The following STK32C variants were observed in gnomAD, a reference collection of about 807,000 sequenced individuals.
The protein encoded by STK32C is serine/threonine kinase 32C.
STK32C carries 31 observed loss-of-function variants against 56.5 expected under a neutral mutation model. The ratio of observed to expected loss-of-function variants is 0.55; its 90% confidence interval spans 0.41 to 0.74. The LOEUF (loss-of-function observed/expected upper bound fraction) is 0.74. Among genes scored for constraint, STK32C ranks in the 30% least tolerant of loss-of-function variants. The pLI, the probability that STK32C is intolerant of heterozygous loss-of-function variation, is 0.00. For missense variants in STK32C, 544 were observed against 676.9 expected (o/e 0.80, Z 2.18); for synonymous variants, 309 against 289.4 (o/e 1.07, Z -0.69).
At chr10:132,266,248 A>G (rs893579098) in intron 1 of STK32C, among the ~76,000 whole-genome samples, 3 of 152,174 alleles carry the variant, frequency 2.0e-5, no homozygotes, top group African/African-American at 7.2e-5. Flanking sequence ...GCGTCGTGCG[A>G]TTCTGTTTGT....
chr10:132,251,506 G>A (rs926681932), intron 1 of STK32C, among the ~76,000 whole-genome samples: 1 of 152,056 alleles, frequency 6.6e-6, no homozygotes, highest in Admixed American at 6.5e-5. Context: ...CCCTGGGAAG[G>A]GGGGGCATAG....
At chr10:132,330,141 A>G in intron 1 of STK32C, 1 of 351,258 alleles carries the variant, frequency 2.8e-6, no homozygotes, top group Non-Finnish European at 5.5e-6. Flanking sequence ...ACCAATGGAT[A>G]CAATCTGGCT....
Position 132,225,213 on chromosome 10 carries a change from G to A in STK32C, c.876+20C>T, listed in dbSNP as rs2062844349. The A allele has an allele frequency of 6.3e-7, 1 of 1,577,940 alleles. No individual in the cohort carries two copies. Among genetic ancestry groups the A allele is most frequent in the African/African-American group, 1.4e-5 (1 of 74,052 alleles). ...GCAGGGGCCTGGCAGCCAAGCCCAG[G>A]GGCTGCAGGGGGTCCATACCCATCC... is the stretch of plus-strand genomic sequence containing the variant. On this transcript the variant is annotated intron_variant, in intron 7 of 11. Transcript: ENST00000298630.
At chr10:132,282,413 C>A (rs1483406123) in intron 1 of STK32C, among the ~76,000 whole-genome samples, 1 of 152,098 alleles carries the variant, frequency 6.6e-6, no homozygotes. Flanking sequence ...CAGGCGTCAG[C>A]TACCCACCTG....
chr10:132,267,787 A>ACGCC (rs1423811414), intron 1 of STK32C, among the ~76,000 whole-genome samples: 2 of 62,054 alleles, frequency 3.2e-5, no homozygotes, highest in Non-Finnish European at 3.0e-5. Flanking sequence ...GTTCAGCTCT[A>ACGCC]TGCCTGTGTG....
At chr10:132,228,903 T>C (rs2814194) in intron 2 of STK32C, among the ~76,000 whole-genome samples, 152,233 of 152,352 alleles carry the variant, frequency 1, 76,057 homozygotes, top group Middle Eastern at 1. Context: ...GCCACCACAG[T>C]GGGACCCCCT....
At chr10:132,297,330 G>A (rs907652278) in intron 1 of STK32C, among the ~76,000 whole-genome samples, 1 of 152,180 alleles carries the variant, frequency 6.6e-6, no homozygotes, top group Non-Finnish European at 1.5e-5. Context: ...CCCGCTGCCA[G>A]CAGACCCCGA....
At chr10:132,211,544 C>T (rs905613016) in intron 10 of STK32C, among the ~76,000 whole-genome samples, 17 of 152,224 alleles carry the variant, frequency 1.1e-4, no homozygotes, top group African/African-American at 2.9e-4. Context: ...TGTGTGACCA[C>T]GACCCCTTTC....
intron 1 of STK32C, among the ~76,000 whole-genome samples, chr10:132,281,723 G>A (rs757243354): frequency 1.2e-4 from 18 of 152,238 alleles, no homozygotes; most frequent in Non-Finnish European, 2.5e-4. Context: ...GCAGGTCCCC[G>A]GGAGACGAAA....
intron 1 of STK32C, among the ~76,000 whole-genome samples, chr10:132,296,366 G>A (rs2065746719): frequency 6.6e-6 from 1 of 152,034 alleles, no homozygotes; most frequent in Non-Finnish European, 1.5e-5. Context: ...GTGGACTTCA[G>A]TTCACAACGA....
At chr10:132,246,351 G>A (rs980385003) in intron 1 of STK32C, among the ~76,000 whole-genome samples, 2 of 152,230 alleles carry the variant, frequency 1.3e-5, no homozygotes, top group African/African-American at 2.4e-5. Context: ...TGGGGTTTTG[G>A]GGGAAGCCAT....
chr10:132,258,082 T>G (rs552277092), intron 1 of STK32C, among the ~76,000 whole-genome samples: 1 of 152,322 alleles, frequency 6.6e-6, no homozygotes, highest in African/African-American at 2.4e-5. Flanking sequence ...TGCTGATGAA[T>G]GCCGGCTGAG....
chr10:132,229,727 C>T (rs7897185), intron 2 of STK32C, among the ~76,000 whole-genome samples: 41,749 of 152,152 alleles, frequency 0.27, 6,778 homozygotes, highest in Admixed American at 0.41. Flanking sequence ...AGACTCAGTC[C>T]TTTTGTGAAG....
intron 1 of STK32C, chr10:132,330,173 A>C (rs1214403934): frequency 4.6e-6 from 2 of 433,942 alleles, no homozygotes; most frequent in Non-Finnish European, 8.6e-6. Context: ...GAGCACAGTA[A>C]AGGGCAAAAC....
In STK32C at chr10:132,252,650, C is replaced by T. The variant is rs958100228; in HGVS notation, c.263-6695G>A. Among the ~76,000 whole-genome samples, 172 of 152,048 alleles carry T rather than the reference C, an allele frequency of 1.1e-3. 2 individuals carry two copies. The highest frequency in any genetic ancestry group is 3.9e-3 in the African/African-American group (164 of 41,574). ...CACCCAACGGCGGGCGTGGGATGGA[C>T]GGAGCGGCTCGGAGCTCCGGGCCCA... is the stretch of plus-strand genomic sequence containing the variant. On this transcript the variant is annotated intron_variant, in intron 1 of 11. Transcript: ENST00000298630.
At chr10:132,234,006 T>G (rs1270531507) in intron 2 of STK32C, among the ~76,000 whole-genome samples, 2 of 152,222 alleles carry the variant, frequency 1.3e-5, no homozygotes, top group Non-Finnish European at 2.9e-5. Context: ...TTCTGGTGCT[T>G]GCATGCAAGC....
In STK32C at chr10:132,222,672, G is replaced by T; in HGVS notation, c.1220C>A (p.Ser407Tyr). 2 of 1,613,220 alleles carry T rather than the reference G, an allele frequency of 1.2e-6. No homozygotes were observed. Among genetic ancestry groups the T allele is most frequent in the African/African-American group, 1.3e-5 (1 of 75,040 alleles). The change falls in exon 10 of 12, where the codon TCC becomes TAC. Residue 407 changes from serine to tyrosine, a missense_variant. Around this residue, in one of 3 missense-constraint regions of STK32C, gnomAD observed 277 missense variants for 309.3 expected, o/e 0.90. Coordinates refer to ENST00000298630, the MANE Select transcript of STK32C (RefSeq NM_173575.4). ...GGAGCTGTCCCTGCTGTTGTCCCGGGACTTGTTCTTGGCCAGACGCTTCTT... is the reference window on the plus strand; with the variant it reads ...GGAGCTGTCCCTGCTGTTGTCCCGGTACTTGTTCTTGGCCAGACGCTTCTT... ...KKKKRLAKNK[S>Y]RDNSRDSSQS...
At chr10:132,331,844 A>T, upstream of STK32C, 1 of 1,479,406 alleles carries the variant, frequency 6.8e-7, no homozygotes, top group Non-Finnish European at 9.1e-7. Context: ...GCGCGGAAAA[A>T]CGGATGCTAC....
intron 1 of STK32C, among the ~76,000 whole-genome samples, chr10:132,264,407 C>T (rs1469289654): frequency 2.6e-5 from 4 of 152,170 alleles, no homozygotes; most frequent in East Asian, 1.9e-4. Context: ...AGGGACCCCT[C>T]GAGCTGGGAG....
Sources: gnomAD v4.1 joint callset for allele counts (sites outside exome capture counted in the v4.1 genomes callset) on GRCh38, gnomAD v4.1.1 for gene constraint, gnomAD v4.1.1 regional missense constraint, MANE v1.5 for transcripts, NCBI Gene and HGNC (gene_info 2026-07-23, HGNC 2026-07-21) for gene names.